MARCHF10: variants seen among roughly 807,000 people sequenced by gnomAD.
MARCHF10 encodes probable E3 ubiquitin-protein ligase MARCHF10.
Under a neutral mutation model 76.2 loss-of-function variants are expected in MARCHF10, and 64 were observed. That is an observed-to-expected ratio of 0.84 (90% CI 0.69 to 1.03). The LOEUF is 1.03. Ranked by LOEUF, MARCHF10 falls within the 50% of genes least tolerant of loss-of-function variation. The pLI, the probability that MARCHF10 is intolerant of heterozygous loss-of-function variation, is 0.00. For synonymous variants in MARCHF10, 340 were observed against 357.5 expected (o/e 0.95, Z 0.55); for missense variants, 875 against 958.0 (o/e 0.91, Z 1.14).
chr17:62,756,229 C>G (rs1438430261), intron 4 of MARCHF10, among the ~76,000 whole-genome samples: 1 of 152,148 alleles, frequency 6.6e-6, no homozygotes, highest in Non-Finnish European at 1.5e-5. Context: ...GCCTGGGCAA[C>G]AAGAGTGAAA....
intron 2 of MARCHF10, among the ~76,000 whole-genome samples, chr17:62,800,811 A>G (rs2093058776): frequency 6.6e-6 from 1 of 152,182 alleles, no homozygotes; most frequent in Non-Finnish European, 1.5e-5. Context: ...GCTCCGGGTG[A>G]CTGCAACCTC....
At chr17:62,797,990 A>T (rs2093012877) in intron 2 of MARCHF10, among the ~76,000 whole-genome samples, 1 of 152,134 alleles carries the variant, frequency 6.6e-6, no homozygotes, top group Non-Finnish European at 1.5e-5. Context: ...AGACCATAGG[A>T]GGGGCAGCAG....
chr17:62,745,736 T>C (rs544307440), intron 4 of MARCHF10, among the ~76,000 whole-genome samples: 4 of 152,232 alleles, frequency 2.6e-5, no homozygotes, highest in Non-Finnish European at 5.9e-5. Flanking sequence ...ATTATCTTTT[T>C]AATCTACATT....
intron 4 of MARCHF10, among the ~76,000 whole-genome samples, chr17:62,753,133 T>C (rs1241728920): frequency 6.6e-6 from 1 of 152,118 alleles, no homozygotes; most frequent in Non-Finnish European, 1.5e-5. Context: ...GGAGCCTTGC[T>C]CTGTCGCCCA....
chr17:62,745,463 T>C (rs1358750160), intron 4 of MARCHF10, among the ~76,000 whole-genome samples: 1 of 152,216 alleles, frequency 6.6e-6, no homozygotes, highest in Non-Finnish European at 1.5e-5. Flanking sequence ...CTAGCAACAC[T>C]GTCAAGAGCC....
At chr17:62,761,233 C>T (rs77181338) in intron 3 of MARCHF10, among the ~76,000 whole-genome samples, 2,744 of 152,258 alleles carry the variant, frequency 0.018, 35 homozygotes, top group East Asian at 0.059. Context: ...ATACAGCCTT[C>T]AAACAAATAA....
chr17:62,780,657 G>A (rs1037846883), intron 3 of MARCHF10, among the ~76,000 whole-genome samples: 1 of 152,128 alleles, frequency 6.6e-6, no homozygotes, highest in Non-Finnish European at 1.5e-5. Flanking sequence ...TATTAGCAGA[G>A]CAAATGGTGC....
chr17:62,772,635 TCTTGA>T (rs1158218708), intron 3 of MARCHF10, among the ~76,000 whole-genome samples: 3 of 152,120 alleles, frequency 2.0e-5, no homozygotes, highest in African/African-American at 7.2e-5. Flanking sequence ...GCAGTTGACA[TCTTGA>T]CTTTGGCTGC....
intron 6 of MARCHF10, among the ~76,000 whole-genome samples, chr17:62,728,042 GTT>G (rs911508003): frequency 2.0e-5 from 3 of 152,188 alleles, no homozygotes; most frequent in African/African-American, 4.8e-5. Context: ...AAAGGTCAAA[GTT>G]TTTTGTCTTG....
At chr17:62,768,623 C>T (rs973168155) in intron 3 of MARCHF10, among the ~76,000 whole-genome samples, 9 of 152,152 alleles carry the variant, frequency 5.9e-5, no homozygotes, top group East Asian at 3.9e-4. Flanking sequence ...TTCAAATCTA[C>T]GGAGAAATTG....
intron 2 of MARCHF10, among the ~76,000 whole-genome samples, chr17:62,797,917 T>TG (rs35132114): frequency 0.55 from 82,721 of 151,742 alleles, 22,884 homozygotes; most frequent in East Asian, 0.69. Context: ...TAGGTATACT[T>TG]GGCAGGACTT....
chr17:62,757,746 G>C (rs1213886196), intron 4 of MARCHF10, among the ~76,000 whole-genome samples: 3 of 152,216 alleles, frequency 2.0e-5, no homozygotes, highest in African/African-American at 7.2e-5. Context: ...GATGAAGCTG[G>C]TGGTTTGTAG....
chr17:62,729,382 TG>T (rs919115525), intron 6 of MARCHF10, among the ~76,000 whole-genome samples: 1 of 150,930 alleles, frequency 6.6e-6, no homozygotes, highest in Non-Finnish European at 1.5e-5. Flanking sequence ...TCGTATTTTC[TG>T]AGATCACAAT....
rs2093076348 is a variant in MARCHF10 at position 62,801,673 on chromosome 17, C to T, written c.63G>A (p.Met21Ile). ...FFSDVQYLRD[M>I]QHKVDSEYQA... ...GATACTCAGAGTCCACCTTATGCTG[C>T]ATGTCCCGCAGATACTGAACATCGC... The change falls in exon 2 of 11, where the codon ATG becomes ATA. Residue 21 changes from methionine to isoleucine, a missense_variant. By Grantham distance (10) the Met-to-Ile change is conservative. Transcript: ENST00000311269. The T allele has an allele frequency of 1.2e-6, 2 of 1,614,202 alleles. No homozygotes were observed. The highest frequency in any genetic ancestry group is 4.5e-5 in the East Asian group (2 of 44,892).
intron 9 of MARCHF10, among the ~76,000 whole-genome samples, chr17:62,708,936 C>T (rs2089757773): frequency 6.6e-6 from 1 of 152,230 alleles, no homozygotes; most frequent in South Asian, 2.1e-4. Flanking sequence ...CAGGGAAGAG[C>T]TTATGTTGTC....
chr17:62,746,872 G>T (rs1280439247), intron 4 of MARCHF10: 1 of 1,535,254 alleles, frequency 6.5e-7, no homozygotes, highest in Non-Finnish European at 8.7e-7. Flanking sequence ...CACCTTCACA[G>T]GGAGGGATGC....
intron 3 of MARCHF10, among the ~76,000 whole-genome samples, chr17:62,766,906 G>A (rs891469135): frequency 1.3e-5 from 2 of 152,226 alleles, no homozygotes; most frequent in African/African-American, 4.8e-5. Context: ...GATACGTTCT[G>A]TTGCACCCAT....
At position 62,712,698 on chromosome 17, in the gene MARCHF10, G is replaced by T. The variant is rs982853585; in HGVS notation, c.2215-1354C>A. On this transcript the variant is annotated intron_variant, in intron 8 of 10. Coordinates refer to ENST00000311269, the MANE Select transcript of MARCHF10 (RefSeq NM_152598.4). This position sits in a 1 kb window ranked among gnomAD's most constrained non-coding sequence, Gnocchi z 4.2. The stretch of plus-strand genomic sequence containing the variant: ...TGTTTTTTGTGCTCTGCTGACCTTG[G>T]CCTAGAGTGAGTAGAGAAGAAGTTG... Among the ~76,000 whole-genome samples the T allele has an allele frequency of 1.3e-5, 2 of 152,118 alleles. No homozygotes were observed. Among genetic ancestry groups the T allele is most frequent in the Admixed American group, 6.6e-5 (1 of 15,266 alleles).
At chr17:62,772,338 C>A (rs1465520369) in intron 3 of MARCHF10, among the ~76,000 whole-genome samples, 1 of 152,154 alleles carries the variant, frequency 6.6e-6, no homozygotes, top group Non-Finnish European at 1.5e-5. Flanking sequence ...CGCCTTCTGC[C>A]ATGATTGTGA....
Sources: allele counts gnomAD v4.1 joint callset (sites outside exome capture counted in the v4.1 genomes callset), GRCh38; gene constraint gnomAD v4.1.1; non-coding constraint Gnocchi (gnomAD v3.1); transcripts MANE v1.5; gene names NCBI Gene and HGNC (gene_info 2026-07-23, HGNC 2026-07-21).